The following ABLIM2 variants were observed in gnomAD, a reference collection of about 807,000 sequenced individuals.
The protein encoded by ABLIM2 is actin binding LIM protein family member 2.
ABLIM2 carries 53 observed loss-of-function variants against 97.7 expected under a neutral mutation model. The observed-to-expected ratio is 0.54, with a 90% CI of 0.44 to 0.68. The LOEUF (loss-of-function observed/expected upper bound fraction) is 0.68. Among genes scored for constraint, ABLIM2 ranks in the 30% least tolerant of loss-of-function variants. The pLI, the probability that ABLIM2 is intolerant of heterozygous loss-of-function variation, is 0.00. For synonymous variants in ABLIM2, 361 were observed against 345.8 expected (o/e 1.04, Z -0.49); for missense variants, 835 against 867.2 (o/e 0.96, Z 0.47).
rs1781355483 is a variant in ABLIM2, at chr4:8,032,154, A to G, written c.1048-2378T>C. Among the ~76,000 whole-genome samples the G allele has an allele frequency of 6.6e-6, 1 of 151,532 alleles. No homozygotes were observed. Among genetic ancestry groups the G allele is most frequent in the South Asian group, 2.1e-4 (1 of 4,778 alleles). Reference sequence around the variant, plus strand: ...CCACCCGTGCGGCCGCACAGACTGCAGTCTGATTGGCAGCTCTCTATGTCA... The same window carrying G: ...CCACCCGTGCGGCCGCACAGACTGCGGTCTGATTGGCAGCTCTCTATGTCA... On this transcript the variant is annotated intron_variant, in intron 10 of 20. Transcript: ENST00000447017. This position sits in a 1 kb window ranked among gnomAD's most constrained non-coding sequence, Gnocchi z 4.3.
intron 14 of ABLIM2, among the ~76,000 whole-genome samples, chr4:8,016,727 T>C (rs1769558286): frequency 6.6e-6 from 1 of 152,176 alleles, no homozygotes; most frequent in South Asian, 2.1e-4. Flanking sequence ...CAGAAATTCC[T>C]TCTCAAGGAC....
At position 8,071,253 on chromosome 4, in the gene ABLIM2, A is replaced by C. The variant is rs1811823702; in HGVS notation, c.675+6375T>G. 6.6e-6 allele frequency among the ~76,000 whole-genome samples: 1 copy of C among 151,904 alleles called. No homozygotes were observed. Among genetic ancestry groups the C allele is most frequent in the African/African-American group, 2.4e-5 (1 of 41,364 alleles). ...GCTGCCCCAGCCCAGTGCCTCCCCC[A>C]TCCCTAGCCAGCCATCCCGGCCCAG... On this transcript the variant is annotated intron_variant, in intron 6 of 20. Coordinates refer to ENST00000447017, the MANE Select transcript of ABLIM2 (RefSeq NM_001130083.2). This position sits in a 1 kb window ranked among gnomAD's most constrained non-coding sequence, Gnocchi z 6.2.
At chr4:8,011,052 T>C (rs1474586999) in intron 14 of ABLIM2, among the ~76,000 whole-genome samples, 1 of 152,238 alleles carries the variant, frequency 6.6e-6, no homozygotes, top group African/African-American at 2.4e-5. Context: ...TGGAATAATC[T>C]GCACGTGCAT....
At chr4:8,060,905 G>A in intron 7 of ABLIM2, 62 bp downstream of exon 7, 2 of 1,378,188 alleles carry the variant, frequency 1.5e-6, no homozygotes, top group Non-Finnish European at 2.0e-6. Flanking sequence ...CAGCATGTGT[G>A]TGGACATCGA....
At chr4:8,106,446 G>A in intron 2 of ABLIM2, 48 bp downstream of exon 2, 2 of 1,563,474 alleles carry the variant, frequency 1.3e-6, no homozygotes, top group Non-Finnish European at 1.7e-6. Context: ...ATCGCCGCTG[G>A]GAGGCCCGTT....
chr4:8,039,645 C>A (rs1786818410), intron 9 of ABLIM2, among the ~76,000 whole-genome samples: 1 of 152,170 alleles, frequency 6.6e-6, no homozygotes, highest in Non-Finnish European at 1.5e-5. Context: ...GTATCATTAC[C>A]ATATAACCCA....
rs572718876 is a variant in ABLIM2, at chr4:8,130,641, T to C, written c.11-24004A>G. Among the ~76,000 whole-genome samples, 3 of 152,070 alleles carry C rather than the reference T, an allele frequency of 2.0e-5. No individual in the cohort carries two copies. In the South Asian group the frequency reaches 6.2e-4, roughly 32 times the overall value. ...CGGCACCCAGGGGAGCACAGGGTGATCTGACCTGGCCTGGAGGGAGCAGAG... is the reference window on the plus strand; with the variant it reads ...CGGCACCCAGGGGAGCACAGGGTGACCTGACCTGGCCTGGAGGGAGCAGAG... On this transcript the variant is annotated intron_variant, in intron 1 of 20. Coordinates refer to ENST00000447017, the MANE Select transcript of ABLIM2 (RefSeq NM_001130083.2). This position sits in a 1 kb window ranked among gnomAD's most constrained non-coding sequence, Gnocchi z 4.2.
chr4:8,096,137 G>A (rs1380351689), intron 3 of ABLIM2, among the ~76,000 whole-genome samples: 2 of 152,126 alleles, frequency 1.3e-5, no homozygotes, highest in African/African-American at 4.8e-5. Context: ...CTCCAGGAAG[G>A]AAGCTGGGGC....
At chr4:8,139,544 C>T (rs976046667) in intron 1 of ABLIM2, among the ~76,000 whole-genome samples, 4 of 152,286 alleles carry the variant, frequency 2.6e-5, no homozygotes, top group East Asian at 1.9e-4. Context: ...ATCAAAACCA[C>T]GATGAGATAC....
intron 12 of ABLIM2, chr4:8,020,566 G>A: frequency 1.7e-6 from 1 of 572,858 alleles, no homozygotes; most frequent in South Asian, 1.9e-5. Flanking sequence ...AGAGGGCTGG[G>A]CGGTGAACTA....
intron 4 of ABLIM2, 22 bp downstream of exon 4, chr4:8,088,147 C>T: frequency 7.0e-7 from 1 of 1,436,062 alleles, no homozygotes; most frequent in Admixed American, 1.9e-5. Flanking sequence ...ACTCAACATG[C>T]CCCCACTCAG....
At chr4:8,053,848 C>T (rs368155425) in intron 8 of ABLIM2, among the ~76,000 whole-genome samples, 3 of 152,106 alleles carry the variant, frequency 2.0e-5, no homozygotes, top group East Asian at 3.9e-4. Flanking sequence ...CTTCTCTCCC[C>T]GTCCTGCCAC....
At position 8,107,083 on chromosome 4, in the gene ABLIM2, C is replaced by T. The variant is rs143162325; in HGVS notation, c.11-446G>A. 1.2e-3 allele frequency among the ~76,000 whole-genome samples: 181 copies of T among 152,366 alleles called. No homozygotes were observed. The Middle Eastern group carries it at 0.02, about 17-fold the overall frequency. On this transcript the variant is annotated intron_variant, in intron 1 of 20. Transcript: ENST00000447017. ...AACCCTCAGCAGCAGGGACCAACATCCTCTCTTCTGCCAGTACAGCAGCCA... is the reference window on the plus strand; with the variant it reads ...AACCCTCAGCAGCAGGGACCAACATTCTCTCTTCTGCCAGTACAGCAGCCA...
chr4:7,982,634 G>A (rs1003838224), intron 20 of ABLIM2, among the ~76,000 whole-genome samples: 8 of 152,194 alleles, frequency 5.3e-5, no homozygotes, highest in Admixed American at 2.0e-4. Context: ...TGTAAGTGTG[G>A]TCGGGTGGGA....
At chr4:8,040,057 A>G (rs1787297851) in intron 9 of ABLIM2, among the ~76,000 whole-genome samples, 1 of 152,134 alleles carries the variant, frequency 6.6e-6, no homozygotes, top group Non-Finnish European at 1.5e-5. Context: ...CGGTCCGTGG[A>G]GGAGATGCAG....
chr4:7,995,449 C>T (rs2150048211), intron 16 of ABLIM2, among the ~76,000 whole-genome samples: 1 of 152,344 alleles, frequency 6.6e-6, no homozygotes, highest in South Asian at 2.1e-4. Context: ...GTTCTGTGCA[C>T]AGAACTGCCC....
chr4:8,127,454 G>T lies in ABLIM2; in HGVS notation c.11-20817C>A, dbSNP rs1366196911. On this transcript the variant is annotated intron_variant, in intron 1 of 20. Coordinates refer to ENST00000447017, the MANE Select transcript of ABLIM2 (RefSeq NM_001130083.2). The surrounding 1 kb of genome is among the most constrained non-coding windows in gnomAD (Gnocchi z 7.3). The stretch of plus-strand genomic sequence containing the variant: ...CACCAGACCCCTGAAGCTGATTCAT[G>T]GAGCTCACAGCTCCCAGTCCCCTGA... The T allele has an allele frequency of 4.3e-5, 55 of 1,267,650 alleles. No individual in the cohort carries two copies. The South Asian group carries it at 6.0e-4, about 14-fold the overall frequency. 78.5% of individuals were successfully genotyped at this position (1,267,650 alleles called of 1,614,324 possible). A position where few individuals can be genotyped will look rare whatever the true frequency, so the allele number is the denominator to read the frequency against.
intron 8 of ABLIM2, among the ~76,000 whole-genome samples, chr4:8,052,475 C>T (rs369861091): frequency 6.6e-6 from 1 of 152,232 alleles, no homozygotes; most frequent in Non-Finnish European, 1.5e-5. Context: ...CTAGCTGCTG[C>T]GATCCTGGCC....
Position 8,071,237 on chromosome 4 carries a change from G to C in ABLIM2, c.675+6391C>G, listed in dbSNP as rs550848589. The stretch of plus-strand genomic sequence containing the variant: ...GGCGCCACCCACCTCTGCTGCCCCA[G>C]CCCAGTGCCTCCCCCATCCCTAGCC... On this transcript the variant is annotated intron_variant, in intron 6 of 20. Transcript: ENST00000447017. This position sits in a 1 kb window ranked among gnomAD's most constrained non-coding sequence, Gnocchi z 6.2. Among the ~76,000 whole-genome samples, 1 of 152,222 alleles carries C rather than the reference G, an allele frequency of 6.6e-6. No homozygotes were observed. The highest frequency in any genetic ancestry group is 2.4e-5 in the African/African-American group (1 of 41,538).
Sources: gnomAD v4.1 joint callset for allele counts (sites outside exome capture counted in the v4.1 genomes callset) on GRCh38, gnomAD v4.1.1 for gene constraint, Gnocchi (gnomAD v3.1) non-coding constraint, MANE v1.5 for transcripts, NCBI Gene and HGNC (gene_info 2026-07-23, HGNC 2026-07-21) for gene names.